The following ZNF37A variants were observed in gnomAD, a reference collection of about 807,000 sequenced individuals.
The protein encoded by ZNF37A is zinc finger protein 37a (KOX 21).
A neutral mutation model predicts 12.3 loss-of-function variants in ZNF37A; 10 were observed. The observed-to-expected ratio is 0.82, with a 90% CI of 0.50 to 1.38. The LOEUF (loss-of-function observed/expected upper bound fraction) is 1.38, where lower values mean the gene tolerates loss of function less well. Among genes scored for constraint, ZNF37A ranks in the 40% most tolerant of loss-of-function variants. The pLI is 0.00. For synonymous variants in ZNF37A, 207 were observed against 223.0 expected (o/e 0.93, Z 0.64); for missense variants, 580 against 651.2 (o/e 0.89, Z 1.19).
In ZNF37A at chr10:38,112,793, T is replaced by TTCTTGTCTTG. The variant is rs1224905450; in HGVS notation, c.16-1952_16-1943dup. Among the ~76,000 whole-genome samples the TTCTTGTCTTG allele has an allele frequency of 7.0e-4, 34 of 48,772 alleles. 4 individuals carry two copies. Among genetic ancestry groups the TTCTTGTCTTG allele is most frequent in the Middle Eastern group, 7.9e-3 (1 of 126 alleles). The allele number at this position is 48,772 out of a possible 152,430, so 32.0% of individuals were successfully genotyped here. ...TTCTTTTCTTTTCTTTTCTTTTCTT[T>TTCTTGTCTTG]TCTTGTCTTGTCTTGTCTTCTTTTC... On this transcript the variant is annotated intron_variant, in intron 5 of 7. Coordinates refer to ENST00000685332, the MANE Select transcript of ZNF37A (RefSeq NM_001324250.3).
rs1325354165 is a variant in ZNF37A at position 38,117,907 on chromosome 10, C to T, written c.756C>T (p.Phe252=). The part of the protein sequence containing the change: ...IIEYNECGTF[F]SEKLVLHLQQ... ...AATATAATGAGTGTGGAACATTTTT[C>T]AGTGAAAAATTAGTCCTTCATTTAC... is the stretch of plus-strand genomic sequence containing the variant. The change falls in exon 8 of 8, where the codon TTC becomes TTT. Residue 252 remains phenylalanine (F), a synonymous_variant. Coordinates refer to ENST00000685332, the MANE Select transcript of ZNF37A (RefSeq NM_001324250.3). The T allele has an allele frequency of 6.2e-7, 1 of 1,613,828 alleles. No individual in the cohort carries two copies. Among genetic ancestry groups the T allele is most frequent in the Admixed American group, 1.7e-5 (1 of 59,936 alleles).
At chr10:38,115,465 C>T in intron 7 of ZNF37A, 175 bp downstream of exon 7, 1 of 791,870 alleles carries the variant, frequency 1.3e-6, no homozygotes, top group Non-Finnish European at 1.9e-6. Flanking sequence ...CCCAGCATCT[C>T]CCAGTATCAC....
In ZNF37A at chr10:38,119,009, G is replaced by A. The variant is rs1255078117; in HGVS notation, c.*172G>A. On this transcript the variant is annotated 3_prime_UTR_variant, in exon 8 of 8. Transcript: ENST00000685332. Reference sequence around the variant, plus strand: ...CAGGAAAACATTATTCTGGAATTTGGACCATACACTATGTTACAAAACTAA... The same window carrying A: ...CAGGAAAACATTATTCTGGAATTTGAACCATACACTATGTTACAAAACTAA... The A allele has an allele frequency of 1.5e-6, 2 of 1,324,338 alleles. No homozygotes were observed. Among genetic ancestry groups the A allele is most frequent in the African/African-American group, 3.0e-5 (2 of 66,658 alleles). The allele number at this position is 1,324,338 out of a possible 1,614,324, so 82.0% of individuals were successfully genotyped here.
At chr10:38,101,702 T>G (rs1166978863) in intron 5 of ZNF37A, among the ~76,000 whole-genome samples, 1 of 152,120 alleles carries the variant, frequency 6.6e-6, no homozygotes, top group Admixed American at 6.6e-5. Context: ...TCCTCTTCTG[T>G]CATTTCAATT....
At chr10:38,146,531 T>TA (rs1444600797) in intron 7 of ZNF37A, among the ~76,000 whole-genome samples, 2 of 152,182 alleles carry the variant, frequency 1.3e-5, no homozygotes, top group Non-Finnish European at 2.9e-5. Context: ...ATGACAAAGA[T>TA]ACTTGATTTC....
chr10:38,111,826 C>T (rs188466969), intron 5 of ZNF37A, among the ~76,000 whole-genome samples: 2 of 152,090 alleles, frequency 1.3e-5, no homozygotes, highest in African/African-American at 4.8e-5. Context: ...GTTTGCCAGG[C>T]GTAGAATTCT....
chr10:38,112,793 T>TG (rs1564932610), intron 5 of ZNF37A, among the ~76,000 whole-genome samples: 1 of 48,784 alleles, frequency 2.0e-5, no homozygotes, highest in African/African-American at 7.1e-5. Flanking sequence ...TTCTTTTCTT[T>TG]TCTTGTCTTG....
chr10:38,148,563 G>C (rs1479622577), exon 8 of ZNF37A: 1 of 152,214 alleles, frequency 6.6e-6, no homozygotes, highest in Non-Finnish European at 1.5e-5. Context: ...AGCTCTGCCT[G>C]TGTTCCTACA....
chr10:38,097,344 G>T (rs1311504035), intron 5 of ZNF37A, among the ~76,000 whole-genome samples: 2 of 152,032 alleles, frequency 1.3e-5, no homozygotes, highest in Non-Finnish European at 2.9e-5. Flanking sequence ...CTTTGGGAGG[G>T]CGAGGTGGGT....
chr10:38,117,062 T>C (rs2069322566), intron 7 of ZNF37A: 1 of 531,656 alleles, frequency 1.9e-6, no homozygotes, highest in Admixed American at 6.4e-5. Context: ...TGAGCCGAGA[T>C]CACGTCACTA....
chr10:38,115,422 G>C lies in ZNF37A; in HGVS notation c.238+132G>C. The C allele has an allele frequency of 8.3e-6, 11 of 1,326,700 alleles. No individual in the cohort carries two copies. The South Asian group carries it at 1.8e-4, about 21-fold the overall frequency. 82.2% of individuals were successfully genotyped at this position (1,326,700 alleles called of 1,614,324 possible). On this transcript the variant is annotated intron_variant, in intron 7 of 7. Coordinates refer to ENST00000685332, the MANE Select transcript of ZNF37A (RefSeq NM_001324250.3). ...TCCAGACCTTTGGAAGTAACATGTT[G>C]ACGTGACCCAAATATGCAGTGACTC...
Position 38,132,560 on chromosome 10 carries a change from A to G in ZNF37A, c.239-14172A>G, listed in dbSNP as rs1176634505. Among the ~76,000 whole-genome samples the G allele has an allele frequency of 2.6e-5, 4 of 152,180 alleles. No individual in the cohort carries two copies. The South Asian group carries it at 8.3e-4, about 32-fold the overall frequency. On this transcript the variant is annotated intron_variant, in intron 7 of 7. Coordinates refer to the ZNF37A transcript ENST00000638053. ...AATTGTAAGAATTTTGAGTTTCAGT[A>G]CAATATTTAATAAATAAAGTAAGAT...
At chr10:38,113,402 G>A (rs182164780) in intron 5 of ZNF37A, among the ~76,000 whole-genome samples, 1 of 151,124 alleles carries the variant, frequency 6.6e-6, no homozygotes, top group Admixed American at 6.6e-5. Flanking sequence ...TAGTAAAGAT[G>A]GGGTTTTACC....
intron 5 of ZNF37A, among the ~76,000 whole-genome samples, chr10:38,104,926 C>CT (rs1209256171): frequency 6.6e-6 from 1 of 152,054 alleles, no homozygotes; most frequent in Non-Finnish European, 1.5e-5. Flanking sequence ...TAACTTCTTT[C>CT]TTCAACAGTG....
chr10:38,146,962 A>C, exon 8 of ZNF37A: 2 of 387,254 alleles, frequency 5.2e-6, no homozygotes, highest in East Asian at 3.7e-5. Context: ...TTGTTTCTAT[A>C]GGTTATAGAT....
At chr10:38,112,805 C>CT (rs1217344294) in intron 5 of ZNF37A, among the ~76,000 whole-genome samples, 5 of 54,524 alleles carry the variant, frequency 9.2e-5, no homozygotes, top group Non-Finnish European at 2.0e-4. Flanking sequence ...CTTGTCTTGT[C>CT]TTGTCTTCTT....
In ZNF37A at chr10:38,117,739, A is replaced by C. The variant is rs1478877450; in HGVS notation, c.588A>C (p.Pro196=). 6.2e-7 allele frequency: 1 copy of C among 1,613,968 alleles called. No homozygotes were observed. Among genetic ancestry groups the C allele is most frequent in the East Asian group, 2.2e-5 (1 of 44,844 alleles). The part of the protein sequence containing the change: ...SFFITHQQTH[P]RENHYGNECG... ...TCATCACTCATCAGCAAACACATCCAAGAGAAAACCACTATGGTAATGAAT... is the reference window on the plus strand; with the variant it reads ...TCATCACTCATCAGCAAACACATCCCAGAGAAAACCACTATGGTAATGAAT... The change falls in exon 8 of 8, where the codon CCA becomes CCC. Residue 196 remains proline, a synonymous_variant. Coordinates refer to ENST00000685332, the MANE Select transcript of ZNF37A (RefSeq NM_001324250.3).
At chr10:38,134,264 C>T (rs181919070) in intron 7 of ZNF37A, among the ~76,000 whole-genome samples, 1 of 152,168 alleles carries the variant, frequency 6.6e-6, no homozygotes, top group Admixed American at 6.5e-5. Context: ...TTTGTTATTA[C>T]CGATCGTCTG....
At chr10:38,096,329 C>A (rs1048462621) in intron 4 of ZNF37A, among the ~76,000 whole-genome samples, 2 of 152,136 alleles carry the variant, frequency 1.3e-5, no homozygotes, top group South Asian at 2.1e-4. Flanking sequence ...TTGGCTTTTC[C>A]TAACTTGCTT....
Sources: allele counts gnomAD v4.1 joint callset (sites outside exome capture counted in the v4.1 genomes callset), GRCh38; gene constraint gnomAD v4.1.1; transcripts MANE v1.5; gene names NCBI Gene and HGNC (gene_info 2026-07-23, HGNC 2026-07-21).